Variants in KIAA1217 observed in about 807,000 individuals in gnomAD.
The protein encoded by KIAA1217 is KIAA1217.
Under a neutral mutation model 163.9 loss-of-function variants are expected in KIAA1217, and 88 were observed. That is an observed-to-expected ratio of 0.54 (90% CI 0.45 to 0.64). KIAA1217 has a LOEUF of 0.64. Among genes scored for constraint, KIAA1217 ranks in the 30% least tolerant of loss-of-function variants. The pLI is 0.00. For synonymous variants in KIAA1217, 903 were observed against 923.1 expected (o/e 0.98, Z 0.39); for missense variants, 2,372 against 2,475.0 (o/e 0.96, Z 0.88).
intron 1 of KIAA1217, among the ~76,000 whole-genome samples, chr10:23,953,243 A>T (rs1283593102): frequency 6.6e-6 from 1 of 152,204 alleles, no homozygotes; most frequent in Non-Finnish European, 1.5e-5. Context: ...CTTCATGAAA[A>T]AATTAACCGT....
At chr10:24,445,672 T>C (rs1592002819) in intron 5 of KIAA1217, among the ~76,000 whole-genome samples, 1 of 151,596 alleles carries the variant, frequency 6.6e-6, no homozygotes, top group African/African-American at 2.4e-5. Flanking sequence ...AGAATGATGG[T>C]TTCCAGCTTC....
intron 2 of KIAA1217, among the ~76,000 whole-genome samples, chr10:24,045,910 C>T (rs1341253167): frequency 6.6e-6 from 1 of 151,972 alleles, no homozygotes; most frequent in Non-Finnish European, 1.5e-5. Flanking sequence ...TCATGTTCAC[C>T]TATGGAGAAT....
chr10:23,750,021 T>C (rs1170332774), intron 1 of KIAA1217, among the ~76,000 whole-genome samples: 1 of 152,144 alleles, frequency 6.6e-6, no homozygotes, highest in Non-Finnish European at 1.5e-5. Flanking sequence ...TTTTCTTTTC[T>C]TTTTTTGACC....
At chr10:23,983,463 G>A (rs1186687558) in intron 1 of KIAA1217, among the ~76,000 whole-genome samples, 1 of 152,084 alleles carries the variant, frequency 6.6e-6, no homozygotes, top group Non-Finnish European at 1.5e-5. Context: ...GGAGAAGCAG[G>A]CACATCTTAC....
At position 24,432,985 on chromosome 10, in the gene KIAA1217, T is replaced by C; in HGVS notation, c.554-10T>C. The C allele has an allele frequency of 6.2e-7, 1 of 1,613,098 alleles. No homozygotes were observed. The highest frequency in any genetic ancestry group is 1.3e-5 in the African/African-American group (1 of 75,040). On this transcript the variant is annotated splice_polypyrimidine_tract_variant and intron_variant, in intron 3 of 20. Coordinates refer to ENST00000376454, the MANE Select transcript of KIAA1217 (RefSeq NM_019590.5). ...GACCTGTGACTAATAACTGTTTCCT[T>C]TGTGTGCAGGGGTTCTCTATCTCCA...
chr10:24,197,754 C>T (rs2067058212), intron 2 of KIAA1217, among the ~76,000 whole-genome samples: 1 of 152,196 alleles, frequency 6.6e-6, no homozygotes, highest in South Asian at 2.1e-4. Flanking sequence ...TCTTTTCCTG[C>T]TTCTCTCAAA....
chr10:23,722,690 GTGAGGAAACTCTTACCAA>G, intron 1 of KIAA1217, among the ~76,000 whole-genome samples: 1 of 152,196 alleles, frequency 6.6e-6, no homozygotes, highest in East Asian at 1.9e-4. Flanking sequence ...ACAATTATTG[GTGAGGAAACTCTTACCAA>G]TGAGGAAACT....
intron 3 of KIAA1217, among the ~76,000 whole-genome samples, chr10:24,429,538 C>T (rs2059425308): frequency 6.6e-6 from 1 of 152,116 alleles, no homozygotes. Context: ...GTGGCCTCCA[C>T]TTTCTGAGAT....
chr10:24,255,818 T>C (rs1416461895), intron 2 of KIAA1217, among the ~76,000 whole-genome samples: 1 of 152,192 alleles, frequency 6.6e-6, no homozygotes, highest in Admixed American at 6.5e-5. Flanking sequence ...CAGTTAAACC[T>C]TGTTTAATGG....
chr10:23,844,741 T>G (rs1838940651), intron 1 of KIAA1217, among the ~76,000 whole-genome samples: 1 of 152,030 alleles, frequency 6.6e-6, no homozygotes, highest in Non-Finnish European at 1.5e-5. Context: ...AACGTTTAAT[T>G]TTTTTATTGT....
intron 2 of KIAA1217, among the ~76,000 whole-genome samples, chr10:24,328,935 G>A (rs1028904213): frequency 2.0e-5 from 3 of 151,572 alleles, no homozygotes; most frequent in African/African-American, 7.3e-5. Context: ...TTCGCCAGTA[G>A]CATTGTTATG....
At chr10:24,445,551 C>T (rs2060854944) in intron 5 of KIAA1217, among the ~76,000 whole-genome samples, 1 of 118,846 alleles carries the variant, frequency 8.4e-6, no homozygotes, top group African/African-American at 3.3e-5. Flanking sequence ...CCACAACAGT[C>T]CCTGGTGTGT....
chr10:23,778,578 T>G (rs746786501), intron 1 of KIAA1217, among the ~76,000 whole-genome samples: 1 of 152,236 alleles, frequency 6.6e-6, no homozygotes, highest in Non-Finnish European at 1.5e-5. Flanking sequence ...GGACATCTTA[T>G]GTGCTTGGTT....
intron 5 of KIAA1217, among the ~76,000 whole-genome samples, chr10:24,456,259 GTCC>G (rs2061779602): frequency 6.6e-6 from 1 of 152,168 alleles, no homozygotes; most frequent in Non-Finnish European, 1.5e-5. Flanking sequence ...TGCATCCAGA[GTCC>G]TCATTTTTTG....
intron 4 of KIAA1217, among the ~76,000 whole-genome samples, chr10:24,436,533 C>T (rs946231986): frequency 2.2e-4 from 33 of 150,404 alleles, no homozygotes; most frequent in African/African-American, 6.6e-4. Context: ...CCAAGGTGGG[C>T]GGATCACGAG....
At chr10:24,074,661 A>ATTC (rs552217743) in intron 2 of KIAA1217, among the ~76,000 whole-genome samples, 29 of 147,980 alleles carry the variant, frequency 2.0e-4, no homozygotes, top group East Asian at 4.0e-4. Context: ...ATATTCTGGA[A>ATTC]TTCTTCTTCT....
chr10:24,499,494 A>T (rs1321365008), intron 8 of KIAA1217, among the ~76,000 whole-genome samples: 1 of 152,150 alleles, frequency 6.6e-6, no homozygotes, highest in Non-Finnish European at 1.5e-5. Flanking sequence ...GCACTTTGGG[A>T]GGCCGAGGCA....
intron 1 of KIAA1217, among the ~76,000 whole-genome samples, chr10:23,869,164 G>T: frequency 1.1e-5 from 1 of 90,406 alleles, no homozygotes; most frequent in African/African-American, 5.0e-5. Flanking sequence ...TGCATAAGTA[G>T]CATATATTTT....
Position 24,545,947 on chromosome 10 carries a change from A to C in KIAA1217, c.5455A>C (p.Ser1819Arg). 1.2e-6 allele frequency: 2 copies of C among 1,614,066 alleles called. No individual in the cohort carries two copies. Among genetic ancestry groups the C allele is most frequent in the Non-Finnish European group, 1.7e-6 (2 of 1,180,032 alleles). ...GAAAAGCAGTTCTCTGCCCTCTTCT[A>C]GTGGTGACAGCTCTAACCTCCCTAA... The part of the protein sequence containing the change: ...SGKSSSLPSS[S>R]GDSSNLPNPP... Residue 1819 changes from serine to arginine, a missense_variant, in exon 21 of 21, where the codon AGT (serine) becomes CGT (arginine). By Grantham distance (110) the Ser-to-Arg change is moderately radical (BLOSUM62 -1). Around this residue, in one of 3 missense-constraint regions of KIAA1217, gnomAD observed 690 missense variants for 677.5 expected, o/e 1.02. Coordinates refer to ENST00000376454, the MANE Select transcript of KIAA1217 (RefSeq NM_019590.5).
Sources: gnomAD v4.1 joint callset for allele counts (sites outside exome capture counted in the v4.1 genomes callset) on GRCh38, gnomAD v4.1.1 for gene constraint, gnomAD v4.1.1 regional missense constraint, MANE v1.5 for transcripts, NCBI Gene and HGNC (gene_info 2026-07-23, HGNC 2026-07-21) for gene names.